The following TM9SF3 variants were observed in gnomAD, a reference collection of about 807,000 sequenced individuals.
TM9SF3 encodes transmembrane 9 superfamily member 3, also known as SM-11044-binding protein.
TM9SF3 carries 14 observed loss-of-function variants against 78.6 expected under a neutral mutation model. The ratio of observed to expected loss-of-function variants is 0.18; its 90% confidence interval spans 0.12 to 0.28. The LOEUF (loss-of-function observed/expected upper bound fraction) is 0.28. Ranked by LOEUF, TM9SF3 falls within the 10% of genes least tolerant of loss-of-function variation. The probability of loss-of-function intolerance (pLI) is 1.00; values close to 1 mark genes in which losing one functional copy is unlikely to be tolerated. For missense variants in TM9SF3, 496 were observed against 721.9 expected (o/e 0.69, Z 3.59); for synonymous variants, 231 against 241.7 (o/e 0.96, Z 0.41).
intron 11 of TM9SF3, among the ~76,000 whole-genome samples, chr10:96,529,393 T>C (rs1357862784): frequency 6.6e-6 from 1 of 152,150 alleles, no homozygotes; most frequent in Admixed American, 6.5e-5. Flanking sequence ...ATAAAAATTA[T>C]GTTGAATGCT....
At chr10:96,544,891 G>A (rs1848078902) in intron 8 of TM9SF3, among the ~76,000 whole-genome samples, 1 of 151,870 alleles carries the variant, frequency 6.6e-6, no homozygotes, top group Non-Finnish European at 1.5e-5. Context: ...CTCTAAGTTT[G>A]TCCTTAGCTC....
intron 9 of TM9SF3, among the ~76,000 whole-genome samples, chr10:96,537,233 T>C (rs1217811624): frequency 6.6e-6 from 1 of 152,202 alleles, no homozygotes; most frequent in East Asian, 1.9e-4. Flanking sequence ...GTATCTGACG[T>C]TGGTCCCATA....
intron 9 of TM9SF3, among the ~76,000 whole-genome samples, chr10:96,535,524 A>G (rs1847947791): frequency 6.6e-6 from 1 of 152,236 alleles, no homozygotes; most frequent in Non-Finnish European, 1.5e-5. Flanking sequence ...ATATACTAAT[A>G]AAATCATCCT....
intron 5 of TM9SF3, among the ~76,000 whole-genome samples, chr10:96,559,131 C>G (rs1848271725): frequency 6.6e-6 from 1 of 152,156 alleles, no homozygotes; most frequent in South Asian, 2.1e-4. Context: ...AGCAGAAATT[C>G]CTGATCTCAA....
intron 2 of TM9SF3, among the ~76,000 whole-genome samples, chr10:96,575,028 A>G (rs865931252): frequency 3.9e-5 from 6 of 152,118 alleles, no homozygotes; most frequent in Middle Eastern, 3.2e-3. Flanking sequence ...CCTATGTATC[A>G]AAACTGCACG....
At chr10:96,584,012 T>A (rs1317793187) in intron 1 of TM9SF3, among the ~76,000 whole-genome samples, 1 of 151,730 alleles carries the variant, frequency 6.6e-6, no homozygotes, top group Non-Finnish European at 1.5e-5. Context: ...CCAGCCTGGG[T>A]GACAAGAGCA....
At chr10:96,581,331 T>C (rs904795973) in intron 1 of TM9SF3, among the ~76,000 whole-genome samples, 1 of 152,176 alleles carries the variant, frequency 6.6e-6, no homozygotes, top group Non-Finnish European at 1.5e-5. Context: ...ACAATTTACA[T>C]AGATGAGCAA....
rs755319199 is a variant in TM9SF3, at chr10:96,527,509, G to T, written c.1542-13C>A. 1 of 1,591,518 alleles carries T rather than the reference G, an allele frequency of 6.3e-7. No homozygotes were observed. The highest frequency in any genetic ancestry group is 8.6e-7 in the Non-Finnish European group (1 of 1,165,866). On this transcript the variant is annotated splice_polypyrimidine_tract_variant and intron_variant, in intron 12 of 14. Transcript: ENST00000371142. ...ACTTGTCCATTGCCTGGTGGGGGGA[G>T]GGGGAAAGAAGATAAATCTCTTTTG...
At chr10:96,532,584 T>C (rs1374078923) in intron 10 of TM9SF3, among the ~76,000 whole-genome samples, 1 of 152,174 alleles carries the variant, frequency 6.6e-6, no homozygotes, top group Non-Finnish European at 1.5e-5. Context: ...AGTACTAAAA[T>C]ATCTGGAAAG....
intron 7 of TM9SF3, among the ~76,000 whole-genome samples, chr10:96,549,741 G>T (rs1848145351): frequency 6.7e-6 from 1 of 148,676 alleles, no homozygotes; most frequent in East Asian, 2.0e-4. Flanking sequence ...TGACTTGCCT[G>T]CTAATATTAT....
At chr10:96,561,860 T>C (rs1296239282) in intron 4 of TM9SF3, 118 bp downstream of exon 4, 4 of 822,446 alleles carry the variant, frequency 4.9e-6, no homozygotes, top group East Asian at 2.6e-5. Context: ...ATAGTTTTAA[T>C]AATATTCTGT....
At chr10:96,565,094 T>C (rs1024131105) in intron 3 of TM9SF3, among the ~76,000 whole-genome samples, 1 of 152,192 alleles carries the variant, frequency 6.6e-6, no homozygotes, top group Admixed American at 6.5e-5. Context: ...AAAAAAGTTA[T>C]ATTTTAGGCA....
intron 2 of TM9SF3, among the ~76,000 whole-genome samples, chr10:96,575,595 T>C (rs1848487730): frequency 6.6e-6 from 1 of 152,102 alleles, no homozygotes; most frequent in Non-Finnish European, 1.5e-5. Context: ...CTCACTGACA[T>C]TCTTCTCCTC....
At chr10:96,575,882 ACT>A (rs2134159738) in intron 2 of TM9SF3, among the ~76,000 whole-genome samples, 1 of 152,314 alleles carries the variant, frequency 6.6e-6, no homozygotes, top group East Asian at 1.9e-4. Flanking sequence ...CAGGAAATAC[ACT>A]CTCTGACAAA....
chr10:96,549,508 G>A lies in TM9SF3; in HGVS notation c.960-1519C>T, dbSNP rs142521300. On this transcript the variant is annotated intron_variant, in intron 7 of 14. Transcript: ENST00000371142. ...TCTCTGAGCTTTAGTGTCCTGGTCT[G>A]TAGAATGGAAATAGAATATTTCCTT... is the stretch of plus-strand genomic sequence containing the variant. Among the ~76,000 whole-genome samples the A allele has an allele frequency of 4.5e-3, 680 of 152,220 alleles. 7 individuals carry two copies. Among genetic ancestry groups the A allele is most frequent in the African/African-American group, 0.015 (640 of 41,544 alleles).
chr10:96,557,977 A>G (rs1848255786), intron 5 of TM9SF3, among the ~76,000 whole-genome samples: 2 of 152,074 alleles, frequency 1.3e-5, no homozygotes, highest in African/African-American at 4.8e-5. Flanking sequence ...CTTTGCCTTT[A>G]TTTTCTAATG....
intron 2 of TM9SF3, among the ~76,000 whole-genome samples, chr10:96,570,201 T>C (rs11188832): frequency 0.19 from 29,524 of 152,136 alleles, 3,128 homozygotes; most frequent in Admixed American, 0.3. Flanking sequence ...CTTAAAACAG[T>C]GTCCGGCACA....
At chr10:96,566,006 G>A (rs1434017801) in intron 2 of TM9SF3, among the ~76,000 whole-genome samples, 1 of 152,098 alleles carries the variant, frequency 6.6e-6, no homozygotes, top group Non-Finnish European at 1.5e-5. Flanking sequence ...CCCTCAAGAT[G>A]AGTCATTTTC....
At chr10:96,565,253 T>C in intron 3 of TM9SF3, 51 bp downstream of exon 3, 1 of 1,443,474 alleles carries the variant, frequency 6.9e-7, no homozygotes, top group African/African-American at 1.5e-5. Context: ...ATTTTATAAA[T>C]TCTGATTATG....
Sources: gnomAD v4.1 joint callset for allele counts (sites outside exome capture counted in the v4.1 genomes callset) on GRCh38, gnomAD v4.1.1 for gene constraint, MANE v1.5 for transcripts, NCBI Gene and HGNC (gene_info 2026-07-23, HGNC 2026-07-21) for gene names.